CNGA1: variants seen among roughly 807,000 people sequenced by gnomAD.
The protein encoded by CNGA1 is cyclic nucleotide gated channel subunit alpha 1.
CNGA1 carries 53 observed loss-of-function variants against 69.7 expected under a neutral mutation model. The ratio of observed to expected loss-of-function variants is 0.76; its 90% CI spans 0.61 to 0.96. The LOEUF (loss-of-function observed/expected upper bound fraction) is 0.96, where lower values mean the gene tolerates loss of function less well. Ranked by LOEUF, CNGA1 falls within the 40% of genes least tolerant of loss-of-function variation. The probability of loss-of-function intolerance (pLI) is 0.00; values close to 1 mark genes in which losing one functional copy is unlikely to be tolerated. For missense variants in CNGA1, 739 were observed against 811.2 expected, an observed-to-expected ratio of 0.91 and a Z score of 1.08; for synonymous variants, 249 against 283.5, an observed-to-expected ratio of 0.88 and a Z score of 1.22.
At chr4:48,009,407 G>C (rs1395394805) in intron 2 of CNGA1, among the ~76,000 whole-genome samples, 3 of 149,304 alleles carry the variant, frequency 2.0e-5, no homozygotes, top group Admixed American at 1.4e-4. Flanking sequence ...AGAGGTTGCA[G>C]TGAGCTGATA....
rs767866884 is a variant in CNGA1 at position 47,937,669 on chromosome 4, C to T, written c.813G>A (p.Leu271=). The part of the protein sequence containing the change: ...WNYPEIRLNR[L]LRFSRMFEFF... The stretch of plus-strand genomic sequence containing the variant: ...ACTCAAACATACGAGAGAACCGTAA[C>T]AACCTGTTTAATCTAATTTCTGGAT... The change falls in exon 11 of 11, where the codon TTG becomes TTA. Residue 271 remains leucine (L), a synonymous_variant. Coordinates refer to ENST00000514170, the MANE Select transcript of CNGA1 (RefSeq NM_001379270.1). The T allele has an allele frequency of 2.7e-5, 43 of 1,614,114 alleles. No homozygotes were observed. In the East Asian group the frequency reaches 8.7e-4, roughly 33 times the overall value.
chr4:47,942,220 C>T (rs907178931), intron 8 of CNGA1, 72 bp from the exon 9 acceptor site: 4 of 933,698 alleles, frequency 4.3e-6, no homozygotes, highest in Non-Finnish European at 7.1e-6. Flanking sequence ...TGTTAAACAT[C>T]GTTATGCCCA....
chr4:47,991,976 C>A (rs922585497), intron 2 of CNGA1, among the ~76,000 whole-genome samples: 2 of 151,950 alleles, frequency 1.3e-5, no homozygotes, highest in African/African-American at 2.4e-5. Flanking sequence ...CAGTTGGCTG[C>A]AAGTATTTAG....
chr4:47,953,779 C>T (rs1739887042), intron 3 of CNGA1, among the ~76,000 whole-genome samples: 2 of 152,140 alleles, frequency 1.3e-5, no homozygotes, highest in Admixed American at 1.3e-4. Context: ...AGGAAGGATC[C>T]TCTCTCCAGT....
chr4:48,003,189 G>T (rs934410958), intron 2 of CNGA1, among the ~76,000 whole-genome samples: 6 of 152,164 alleles, frequency 3.9e-5, no homozygotes, highest in Admixed American at 2.6e-4. Context: ...GGAAAGGCAG[G>T]ATAACTCAAA....
At chr4:47,982,832 T>TCTCG (rs1471203304) in intron 2 of CNGA1, among the ~76,000 whole-genome samples, 3 of 152,062 alleles carry the variant, frequency 2.0e-5, no homozygotes, top group Non-Finnish European at 4.4e-5. Context: ...TAAGATGGAG[T>TCTCG]CTCGCTCTTT....
intron 6 of CNGA1, 45 bp downstream of exon 6, chr4:47,949,788 T>C: frequency 6.7e-7 from 1 of 1,499,206 alleles, no homozygotes; most frequent in Non-Finnish European, 9.3e-7. Flanking sequence ...TTTACTGGTT[T>C]TCTTTAAAAC....
At chr4:47,957,601 CAG>C (rs1441098912) in intron 3 of CNGA1, among the ~76,000 whole-genome samples, 2 of 151,932 alleles carry the variant, frequency 1.3e-5, no homozygotes, top group Non-Finnish European at 2.9e-5. Flanking sequence ...GCCTGGGTGA[CAG>C]AGAGTGACCT....
At chr4:47,967,322 CA>C (rs887020776) in intron 3 of CNGA1, among the ~76,000 whole-genome samples, 5 of 149,720 alleles carry the variant, frequency 3.3e-5, no homozygotes, top group South Asian at 2.1e-4. Flanking sequence ...AAAAACAAAA[CA>C]AAAAAAAAGA....
chr4:47,949,472 AC>A (rs1739614428), intron 6 of CNGA1, among the ~76,000 whole-genome samples: 1 of 152,114 alleles, frequency 6.6e-6, no homozygotes, highest in South Asian at 2.1e-4. Context: ...ACCATTCCCA[AC>A]AAACTTCTGC....
At chr4:47,960,403 T>C (rs533255268) in intron 3 of CNGA1, among the ~76,000 whole-genome samples, 31 of 152,270 alleles carry the variant, frequency 2.0e-4, no homozygotes, top group African/African-American at 7.5e-4. Flanking sequence ...GATGGATCAC[T>C]GACCTAAACA....
intron 2 of CNGA1, among the ~76,000 whole-genome samples, chr4:47,993,601 T>A (rs767209301): frequency 2.0e-5 from 3 of 152,118 alleles, no homozygotes; most frequent in Non-Finnish European, 2.9e-5. Context: ...ATCTTGCTCA[T>A]GGTCTATCAA....
At chr4:47,966,898 T>C (rs1448662471) in intron 3 of CNGA1, among the ~76,000 whole-genome samples, 1 of 152,196 alleles carries the variant, frequency 6.6e-6, no homozygotes, top group Non-Finnish European at 1.5e-5. Context: ...TGCAGAAATG[T>C]AGAAAATGCA....
At chr4:48,006,168 A>G (rs1230312648) in intron 2 of CNGA1, among the ~76,000 whole-genome samples, 1 of 152,168 alleles carries the variant, frequency 6.6e-6, no homozygotes, top group African/African-American at 2.4e-5. Flanking sequence ...ATGAGTCCTG[A>G]AAGTTTTTCA....
At chr4:47,968,653 C>T (rs2110192096) in intron 3 of CNGA1, among the ~76,000 whole-genome samples, 1 of 152,218 alleles carries the variant, frequency 6.6e-6, no homozygotes, top group East Asian at 1.9e-4. Flanking sequence ...AGGAATGGCC[C>T]ACAGGATCTG....
At chr4:47,968,532 T>TGTTA (rs2110191926) in intron 3 of CNGA1, among the ~76,000 whole-genome samples, 1 of 152,104 alleles carries the variant, frequency 6.6e-6, no homozygotes, top group Admixed American at 6.5e-5. Context: ...GCTACAAAAG[T>TGTTA]GTTAGTAATG....
chr4:48,016,212 A>G (rs321631), intron 1 of CNGA1, among the ~76,000 whole-genome samples: 52,049 of 151,932 alleles, frequency 0.34, 9,217 homozygotes, highest in South Asian at 0.48. Flanking sequence ...GACAGAACGG[A>G]GAGTGGATGG....
intron 2 of CNGA1, among the ~76,000 whole-genome samples, chr4:47,999,198 C>A (rs943303150): frequency 6.6e-6 from 1 of 152,166 alleles, no homozygotes; most frequent in African/African-American, 2.4e-5. Context: ...AGGTGTTAAT[C>A]TCTTTCCATG....
At chr4:48,001,777 T>C (rs1714673427) in intron 2 of CNGA1, among the ~76,000 whole-genome samples, 1 of 152,182 alleles carries the variant, frequency 6.6e-6, no homozygotes, top group Admixed American at 6.5e-5. Flanking sequence ...AGACAGATCA[T>C]ATGCTGGGCC....
Sources: allele counts gnomAD v4.1 joint callset (sites outside exome capture counted in the v4.1 genomes callset), GRCh38; gene constraint gnomAD v4.1.1; transcripts MANE v1.5; gene names NCBI Gene and HGNC (gene_info 2026-07-23, HGNC 2026-07-21).